Variants in OR6N1 observed in about 807,000 individuals in gnomAD.
The protein encoded by OR6N1 is olfactory receptor family 6 subfamily N member 1.
For synonymous variants in OR6N1, 170 were observed against 150.7 expected, an observed-to-expected ratio of 1.13 and a Z score of -0.94; for missense variants, 394 against 371.7, an observed-to-expected ratio of 1.06 and a Z score of -0.49.
chr1:158,779,588 C>T, the OR6N1 span, among the ~76,000 whole-genome samples: 1 of 152,290 alleles, frequency 6.6e-6, no homozygotes, highest in Non-Finnish European at 1.5e-5. Context: ...TCATTGAAAG[C>T]AACTGATACT....
upstream of OR6N1, among the ~76,000 whole-genome samples, chr1:158,773,817 G>GTGTA (rs1374073436): frequency 1.3e-5 from 2 of 152,102 alleles, no homozygotes; most frequent in Middle Eastern, 3.2e-3. Flanking sequence ...GTCTATGTGT[G>GTGTA]TGTATGTGTG....
At chr1:158,824,964 A>G in the OR6N1 span, among the ~76,000 whole-genome samples, 2 of 152,238 alleles carry the variant, frequency 1.3e-5, no homozygotes, top group African/African-American at 2.4e-5. Flanking sequence ...AAAATTGACA[A>G]ATGAAACCTA....
the OR6N1 span, among the ~76,000 whole-genome samples, chr1:158,797,591 C>T: frequency 6.6e-6 from 1 of 152,004 alleles, no homozygotes; most frequent in Non-Finnish European, 1.5e-5. Context: ...ATTTTGGTGA[C>T]CTAAGTCATA....
the OR6N1 span, among the ~76,000 whole-genome samples, chr1:158,782,844 G>C: frequency 6.6e-6 from 1 of 152,112 alleles, no homozygotes; most frequent in South Asian, 2.1e-4. Context: ...TGGTCACAGA[G>C]TGACTTTGTC....
At chr1:158,827,184 T>G in the OR6N1 span, among the ~76,000 whole-genome samples, 1 of 152,198 alleles carries the variant, frequency 6.6e-6, no homozygotes, top group East Asian at 1.9e-4. Context: ...CATGAAACAT[T>G]TCTTCCACTG....
the OR6N1 span, among the ~76,000 whole-genome samples, chr1:158,835,534 A>G: frequency 2.3e-4 from 34 of 147,122 alleles, no homozygotes; most frequent in African/African-American, 7.6e-4. Flanking sequence ...ATAAGATCAT[A>G]TCACCAGTAA....
upstream of OR6N1, among the ~76,000 whole-genome samples, chr1:158,773,241 A>G (rs572120104): frequency 6.6e-6 from 1 of 152,264 alleles, no homozygotes; most frequent in East Asian, 1.9e-4. Context: ...ATATTTAACT[A>G]ATAACTTAAT....
Position 158,765,760 on chromosome 1 carries a change from A to G in OR6N1, c.923T>C (p.Ile308Thr). 6.2e-7 allele frequency: 1 copy of G among 1,613,272 alleles called. No homozygotes were observed. The highest frequency in any genetic ancestry group is 8.5e-7 in the Non-Finnish European group (1 of 1,179,338). The part of the protein sequence containing the change: ...KEAVRRQLKR[I>T]GILA ...AGCCCCAACTCATGCCAATATCCCA[A>G]TTCTCTTTAGCTGCCTCCTCACAGC... is the stretch of plus-strand genomic sequence containing the variant. The change falls in exon 2 of 2, where the codon ATT becomes ACT. Residue 308 changes from isoleucine (I) to threonine (T), a missense_variant. Coordinates refer to ENST00000641846, the MANE Select transcript of OR6N1 (RefSeq NM_001005185.2).
At chr1:158,835,639 C>A in the OR6N1 span, among the ~76,000 whole-genome samples, 1 of 149,288 alleles carries the variant, frequency 6.7e-6, no homozygotes, top group Admixed American at 6.7e-5. Context: ...GGGTGTTAAA[C>A]CCTCAGTACT....
the OR6N1 span, among the ~76,000 whole-genome samples, chr1:158,791,369 C>A: frequency 0.037 from 5,570 of 151,948 alleles, 352 homozygotes; most frequent in African/African-American, 0.13. Context: ...CATTCAGGAG[C>A]AGATTAATTC....
At chr1:158,769,775 G>C (rs1180076444) in intron 1 of OR6N1, among the ~76,000 whole-genome samples, 1 of 152,138 alleles carries the variant, frequency 6.6e-6, no homozygotes, top group East Asian at 1.9e-4. Context: ...TCTCTACTTA[G>C]ATTCCAGAGA....
the OR6N1 span, among the ~76,000 whole-genome samples, chr1:158,825,643 A>G: frequency 6.6e-6 from 1 of 152,196 alleles, no homozygotes; most frequent in Non-Finnish European, 1.5e-5. Context: ...TGGCAAGGTT[A>G]CAGAGAAAAG....
the OR6N1 span, among the ~76,000 whole-genome samples, chr1:158,821,500 AC>A: frequency 1.3e-5 from 2 of 152,148 alleles, no homozygotes. Context: ...CATGGCAACC[AC>A]TGATTTTATT....
the OR6N1 span, among the ~76,000 whole-genome samples, chr1:158,806,054 A>G: frequency 2.5e-4 from 38 of 152,308 alleles, no homozygotes; most frequent in African/African-American, 8.7e-4. Context: ...AGCCATTTCA[A>G]TTTAAGCCAT....
At chr1:158,806,352 A>G in the OR6N1 span, among the ~76,000 whole-genome samples, 1 of 152,246 alleles carries the variant, frequency 6.6e-6, no homozygotes, top group African/African-American at 2.4e-5. Context: ...TGTAATAACA[A>G]TGTGAGATAG....
chr1:158,766,616 C>T lies in OR6N1; in HGVS notation c.67G>A (p.Val23Ile), dbSNP rs776419244. ...AACAAGAGGAAGAGATAAATCTGGA[C>T]ACCCTGGAGATGGGGGAAGCCCAAG... ...IILGFPHLQG[V>I]QIYLFLLLLL... Residue 23 changes from valine to isoleucine, a missense_variant, in exon 2 of 2, where the codon GTC becomes ATC. Val to Ile is a conservative substitution (Grantham distance 29). Coordinates refer to ENST00000641846, the MANE Select transcript of OR6N1 (RefSeq NM_001005185.2). The T allele has an allele frequency of 4.3e-6, 7 of 1,613,846 alleles. No individual in the cohort carries two copies. The highest frequency in any genetic ancestry group is 5.9e-6 in the Non-Finnish European group (7 of 1,180,006).
the OR6N1 span, among the ~76,000 whole-genome samples, chr1:158,794,099 C>T: frequency 6.6e-6 from 1 of 152,184 alleles, no homozygotes; most frequent in South Asian, 2.1e-4. Context: ...GGGCACTCCT[C>T]CTATGGGGAT....
In OR6N1 at chr1:158,765,596, A is replaced by G. The variant is rs1364218083; in HGVS notation, c.*148T>C. 4 of 678,264 alleles carry G rather than the reference A, an allele frequency of 5.9e-6. No homozygotes were observed. Among genetic ancestry groups the G allele is most frequent in the South Asian group, 1.9e-5 (1 of 53,662 alleles). The allele number at this position is 678,264 out of a possible 1,614,324, so 42.0% of individuals were successfully genotyped here. ...TCCAGCAGACAGTATGAAGGTCGCT[A>G]TAACACTGGAAGTCAGTCAGCACTT... On this transcript the variant is annotated 3_prime_UTR_variant, in exon 2 of 2. Coordinates refer to ENST00000641846, the MANE Select transcript of OR6N1 (RefSeq NM_001005185.2).
the OR6N1 span, among the ~76,000 whole-genome samples, chr1:158,837,771 G>C: frequency 6.6e-6 from 1 of 151,444 alleles, no homozygotes; most frequent in African/African-American, 2.4e-5. Context: ...TTTTTTATTT[G>C]TTTTCTGTAT....
Sources: gnomAD v4.1 joint callset for allele counts (sites outside exome capture counted in the v4.1 genomes callset) on GRCh38, gnomAD v4.1.1 for gene constraint, MANE v1.5 for transcripts, NCBI Gene and HGNC (gene_info 2026-07-23, HGNC 2026-07-21) for gene names.